FARS2: variants seen among roughly 807,000 people sequenced by gnomAD.
FARS2 encodes phenylalanine--tRNA ligase, mitochondrial.
FARS2 carries 40 observed loss-of-function variants against 46.4 expected under a neutral mutation model. That is an observed-to-expected ratio of 0.86 (90% CI 0.67 to 1.12). The LOEUF is 1.12. Among genes scored for constraint, FARS2 ranks in the 50% most tolerant of loss-of-function variants. FARS2 has a pLI of 0.00. For synonymous variants in FARS2, 234 were observed against 214.9 expected, an observed-to-expected ratio of 1.09 and a Z score of -0.78; for missense variants, 513 against 567.9, an observed-to-expected ratio of 0.90 and a Z score of 0.98.
intron 4 of FARS2, among the ~76,000 whole-genome samples, chr6:5,543,586 C>G (rs1473159996): frequency 6.6e-6 from 1 of 152,148 alleles, no homozygotes; most frequent in African/African-American, 2.4e-5. Context: ...TGGTCTTGAA[C>G]TCCTGACCTC....
At chr6:5,734,937 ATTC>A (rs1175541633) in intron 6 of FARS2, among the ~76,000 whole-genome samples, 1 of 152,210 alleles carries the variant, frequency 6.6e-6, no homozygotes, top group African/African-American at 2.4e-5. Flanking sequence ...TAGGTAGTTA[ATTC>A]TTCTTCTCAC....
At chr6:5,734,810 G>C (rs556978370) in intron 6 of FARS2, among the ~76,000 whole-genome samples, 10 of 152,116 alleles carry the variant, frequency 6.6e-5, no homozygotes, top group Admixed American at 1.3e-4. Flanking sequence ...TAGATAGATA[G>C]ATACATACAT....
intron 4 of FARS2, among the ~76,000 whole-genome samples, chr6:5,512,217 C>T (rs978219378): frequency 1.3e-5 from 2 of 152,200 alleles, no homozygotes; most frequent in Non-Finnish European, 2.9e-5. Context: ...GGTGGGCTTG[C>T]TTCTGATTCA....
chr6:5,493,242 A>ATGAGCCAC (rs1443342181), intron 4 of FARS2, among the ~76,000 whole-genome samples: 1 of 151,964 alleles, frequency 6.6e-6, no homozygotes, highest in African/African-American at 2.4e-5. Context: ...AAAGAAAGAA[A>ATGAGCCAC]TGAGCCACAT....
intron 4 of FARS2, among the ~76,000 whole-genome samples, chr6:5,467,819 T>C (rs1765597108): frequency 6.6e-6 from 1 of 152,196 alleles, no homozygotes; most frequent in African/African-American, 2.4e-5. Context: ...CATTTTATGG[T>C]TCTATGATTC....
intron 1 of FARS2, among the ~76,000 whole-genome samples, chr6:5,320,238 C>T (rs745806971): frequency 6.6e-6 from 1 of 152,194 alleles, no homozygotes; most frequent in Non-Finnish European, 1.5e-5. Flanking sequence ...CATGGATGCT[C>T]CCTGGCTCGT....
chr6:5,704,725 C>T (rs1171327622), intron 6 of FARS2, among the ~76,000 whole-genome samples: 1 of 152,118 alleles, frequency 6.6e-6, no homozygotes, highest in African/African-American at 2.4e-5. Flanking sequence ...TGTGAATCTA[C>T]AAGAGTCATG....
chr6:5,525,590 A>C (rs189302391), intron 4 of FARS2, among the ~76,000 whole-genome samples: 1 of 152,248 alleles, frequency 6.6e-6, no homozygotes, highest in East Asian at 1.9e-4. Context: ...AGTCTTATAA[A>C]GAAAACTGTG....
At chr6:5,608,040 C>G (rs557675920) in intron 5 of FARS2, among the ~76,000 whole-genome samples, 2 of 145,612 alleles carry the variant, frequency 1.4e-5, no homozygotes, top group African/African-American at 5.1e-5. Flanking sequence ...TAACAAATAT[C>G]TTTTTATCGT....
intron 1 of FARS2, among the ~76,000 whole-genome samples, chr6:5,279,120 G>A (rs1324304465): frequency 1.3e-5 from 2 of 152,146 alleles, no homozygotes; most frequent in African/African-American, 4.8e-5. Flanking sequence ...GCTGATGCCT[G>A]TAACCCCAGC....
At chr6:5,449,263 C>T (rs564553888) in intron 4 of FARS2, among the ~76,000 whole-genome samples, 36 of 150,136 alleles carry the variant, frequency 2.4e-4, no homozygotes, top group Non-Finnish European at 3.4e-4. Context: ...GCAGGAGAAT[C>T]GCTTGAACCT....
intron 5 of FARS2, among the ~76,000 whole-genome samples, chr6:5,607,686 C>T (rs942705399): frequency 3.9e-5 from 6 of 152,228 alleles, no homozygotes; most frequent in Non-Finnish European, 5.9e-5. Context: ...GGTCATGCCC[C>T]CTCCTCGCCT....
intron 1 of FARS2, among the ~76,000 whole-genome samples, chr6:5,267,770 AT>A (rs1476426543): frequency 1.1e-4 from 16 of 146,444 alleles, no homozygotes; most frequent in Non-Finnish European, 1.6e-4. Flanking sequence ...AAAAAAAAAA[AT>A]CGCCACACTG....
chr6:5,487,100 G>A (rs1766819313), intron 4 of FARS2, among the ~76,000 whole-genome samples: 1 of 152,144 alleles, frequency 6.6e-6, no homozygotes, highest in South Asian at 2.1e-4. Flanking sequence ...TGCATAAAAA[G>A]ATAACACTCA....
At chr6:5,334,398 T>C (rs1416956264) in intron 1 of FARS2, among the ~76,000 whole-genome samples, 1 of 152,226 alleles carries the variant, frequency 6.6e-6, no homozygotes, top group African/African-American at 2.4e-5. Flanking sequence ...AAATGCTTGC[T>C]TCTGTATGAA....
intron 1 of FARS2, among the ~76,000 whole-genome samples, chr6:5,334,875 T>C (rs1245072910): frequency 3.3e-5 from 5 of 152,216 alleles, no homozygotes; most frequent in African/African-American, 1.2e-4. Flanking sequence ...TGTCAAAATG[T>C]GTAGTCTTGG....
intron 5 of FARS2, among the ~76,000 whole-genome samples, chr6:5,587,239 A>T (rs778320359): frequency 6.6e-6 from 1 of 152,248 alleles, no homozygotes; most frequent in African/African-American, 2.4e-5. Context: ...AGTAAATGTC[A>T]AAATATCCTA....
intron 5 of FARS2, among the ~76,000 whole-genome samples, chr6:5,567,009 C>T (rs1772359725): frequency 6.6e-6 from 1 of 152,212 alleles, no homozygotes; most frequent in South Asian, 2.1e-4. Flanking sequence ...TGTCCTTGCC[C>T]ATGTCTGGGC....
chr6:5,536,262 A>G (rs1425813544), intron 4 of FARS2, among the ~76,000 whole-genome samples: 2 of 151,934 alleles, frequency 1.3e-5, no homozygotes, highest in African/African-American at 4.8e-5. Context: ...CGATCTCCTG[A>G]CCTCATGATC....
Sources: gnomAD v4.1 joint callset for allele counts (sites outside exome capture counted in the v4.1 genomes callset) on GRCh38, gnomAD v4.1.1 for gene constraint, MANE v1.5 for transcripts, NCBI Gene and HGNC (gene_info 2026-07-23, HGNC 2026-07-21) for gene names.